Variants in ATP1B3 observed in about 807,000 individuals in gnomAD.
The protein encoded by ATP1B3 is sodium/potassium-transporting ATPase subunit beta-3.
ATP1B3 carries 10 observed loss-of-function variants against 30.2 expected under a neutral mutation model. The ratio of observed to expected loss-of-function variants is 0.33; its 90% CI spans 0.20 to 0.56. The LOEUF (loss-of-function observed/expected upper bound fraction) is 0.56, where lower values mean the gene tolerates loss of function less well. ATP1B3 is among the 20% of genes least tolerant of loss of function. ATP1B3 has a pLI of 0.90. For synonymous variants in ATP1B3, 113 were observed against 117.0 expected, an observed-to-expected ratio of 0.97 and a Z score of 0.22; for missense variants, 238 against 336.7, an observed-to-expected ratio of 0.71 and a Z score of 2.29.
intron 6 of ATP1B3, among the ~76,000 whole-genome samples, chr3:141,923,170 C>T (rs571858231): frequency 2.6e-5 from 4 of 151,438 alleles, no homozygotes; most frequent in African/African-American, 7.3e-5. Flanking sequence ...CCCAGCTACT[C>T]GGGAGACTGA....
chr3:141,888,256 A>AT (rs1933874322), intron 1 of ATP1B3, among the ~76,000 whole-genome samples: 1 of 152,178 alleles, frequency 6.6e-6, no homozygotes, highest in African/African-American at 2.4e-5. Context: ...ATATGAATAC[A>AT]TTCGTGTGTT....
intron 1 of ATP1B3, among the ~76,000 whole-genome samples, chr3:141,877,909 G>A (rs1387748900): frequency 2.0e-5 from 3 of 151,476 alleles, no homozygotes; most frequent in African/African-American, 7.3e-5. Context: ...TTGTTAGTGG[G>A]TCTTGAAAGA....
chr3:141,922,114 G>A, intron 6 of ATP1B3, 51 bp downstream of exon 6: 4 of 1,174,710 alleles, frequency 3.4e-6, no homozygotes, highest in Non-Finnish European at 1.2e-6. Context: ...GGAAGCTGGA[G>A]CATGTGTTGA....
intron 1 of ATP1B3, among the ~76,000 whole-genome samples, chr3:141,897,161 G>C (rs1934081864): frequency 6.6e-6 from 1 of 152,136 alleles, no homozygotes; most frequent in South Asian, 2.1e-4. Flanking sequence ...TCACCTGACT[G>C]CTCCTGCTGT....
intron 1 of ATP1B3, among the ~76,000 whole-genome samples, chr3:141,893,352 G>A (rs1181354429): frequency 6.6e-6 from 1 of 151,958 alleles, no homozygotes; most frequent in Non-Finnish European, 1.5e-5. Flanking sequence ...TTTATTTCTA[G>A]GTATAGGATG....
intron 1 of ATP1B3, chr3:141,903,107 C>A (rs1296602712): frequency 6.4e-6 from 1 of 155,046 alleles, no homozygotes; most frequent in Non-Finnish European, 1.4e-5. Context: ...CCATCTCAGC[C>A]TCTCAAAGTG....
chr3:141,902,235 G>A (rs552878376), intron 1 of ATP1B3: 5 of 1,249,770 alleles, frequency 4.0e-6, no homozygotes, highest in Admixed American at 2.5e-5. Context: ...CTGGTAATTG[G>A]GGGGGAGGGG....
At chr3:141,903,540 G>T in intron 1 of ATP1B3, 80 bp from the exon 2 acceptor site, 1 of 1,582,726 alleles carries the variant, frequency 6.3e-7, no homozygotes, top group South Asian at 1.1e-5. Context: ...AGAACAGTTG[G>T]TTTGTTTTTT....
At chr3:141,912,533 T>C (rs1423856659) in intron 3 of ATP1B3, among the ~76,000 whole-genome samples, 1 of 152,184 alleles carries the variant, frequency 6.6e-6, no homozygotes, top group African/African-American at 2.4e-5. Flanking sequence ...AGTGCTGGGA[T>C]TACAGGCATG....
At chr3:141,881,526 G>A (rs1042638264) in intron 1 of ATP1B3, among the ~76,000 whole-genome samples, 9 of 152,166 alleles carry the variant, frequency 5.9e-5, no homozygotes, top group African/African-American at 2.2e-4. Context: ...CCCATCTGGG[G>A]CATCTGACAG....
At chr3:141,907,101 T>TA in intron 2 of ATP1B3, 66 bp from the exon 3 acceptor site, 3 of 1,260,452 alleles carry the variant, frequency 2.4e-6, no homozygotes, top group Non-Finnish European at 3.3e-6. Context: ...ATCTGCTTTT[T>TA]AGAGATAAGA....
intron 2 of ATP1B3, among the ~76,000 whole-genome samples, chr3:141,905,576 T>G (rs1934250562): frequency 6.6e-6 from 1 of 152,214 alleles, no homozygotes; most frequent in African/African-American, 2.4e-5. Context: ...TGATTTCTTT[T>G]GTTTACAGCT....
At chr3:141,887,784 C>T (rs544693961) in intron 1 of ATP1B3, among the ~76,000 whole-genome samples, 41 of 152,196 alleles carry the variant, frequency 2.7e-4, no homozygotes, top group Non-Finnish European at 5.0e-4. Flanking sequence ...TGACTGCGAA[C>T]GAAAGCCTTA....
intron 1 of ATP1B3, among the ~76,000 whole-genome samples, chr3:141,902,608 A>G (rs1187605225): frequency 6.6e-6 from 1 of 152,222 alleles, no homozygotes; most frequent in African/African-American, 2.4e-5. Context: ...AGTGTTCCCA[A>G]AGTAAATCAC....
chr3:141,890,305 T>C (rs1933925510), intron 1 of ATP1B3, among the ~76,000 whole-genome samples: 2 of 102,132 alleles, frequency 2.0e-5, no homozygotes, highest in African/African-American at 3.8e-5. Context: ...TTTTTTTTTT[T>C]TTTTTTTTTT....
chr3:141,893,157 C>T (rs1300285079), intron 1 of ATP1B3, among the ~76,000 whole-genome samples: 1 of 152,006 alleles, frequency 6.6e-6, no homozygotes, highest in African/African-American at 2.4e-5. Flanking sequence ...TACAGGCACG[C>T]ACCACCACAC....
chr3:141,906,431 C>T (rs4683647), intron 2 of ATP1B3, among the ~76,000 whole-genome samples: 13,948 of 152,258 alleles, frequency 0.092, 772 homozygotes, highest in Middle Eastern at 0.16. Flanking sequence ...CCGCCAGCCT[C>T]GGCCTCCCAA....
At chr3:141,880,624 A>G (rs1933703449) in intron 1 of ATP1B3, among the ~76,000 whole-genome samples, 1 of 152,192 alleles carries the variant, frequency 6.6e-6, no homozygotes, top group Non-Finnish European at 1.5e-5. Flanking sequence ...ATGAAATAGA[A>G]TAGTAAAAAT....
At chr3:141,883,630 A>ATTCCTCTT (rs1465581444) in intron 1 of ATP1B3, among the ~76,000 whole-genome samples, 1 of 152,146 alleles carries the variant, frequency 6.6e-6, no homozygotes, top group African/African-American at 2.4e-5. Context: ...TTCTTGTCTT[A>ATTCCTCTT]TTCCTCTTTG....
Sources: gnomAD v4.1 joint callset for allele counts (sites outside exome capture counted in the v4.1 genomes callset) on GRCh38, gnomAD v4.1.1 for gene constraint, MANE v1.5 for transcripts, NCBI Gene and HGNC (gene_info 2026-07-23, HGNC 2026-07-21) for gene names.